The following STRN variants were observed in gnomAD, a reference collection of about 807,000 sequenced individuals.
STRN encodes the protein striatin.
A neutral mutation model predicts 96.3 loss-of-function variants in STRN; 53 were observed. The ratio of observed to expected loss-of-function variants is 0.55; its 90% confidence interval spans 0.44 to 0.69. The LOEUF (loss-of-function observed/expected upper bound fraction) is 0.69. Among genes scored for constraint, STRN ranks in the 30% least tolerant of loss-of-function variants. STRN has a pLI of 0.00. For synonymous variants in STRN, 428 were observed against 355.9 expected, an observed-to-expected ratio of 1.20 and a Z score of -2.28; for missense variants, 987 against 963.9, an observed-to-expected ratio of 1.02 and a Z score of -0.32.
chr2:36,929,159 T>G (rs894784266), intron 1 of STRN, among the ~76,000 whole-genome samples: 1 of 151,994 alleles, frequency 6.6e-6, no homozygotes, highest in Non-Finnish European at 1.5e-5. Context: ...TCCTAACCAT[T>G]ATAAACAAAA....
intron 1 of STRN, among the ~76,000 whole-genome samples, chr2:36,951,230 C>T (rs939624129): frequency 6.6e-5 from 10 of 152,122 alleles, no homozygotes; most frequent in African/African-American, 2.2e-4. Flanking sequence ...ACACACAAGG[C>T]GGGGTGGAAG....
intron 3 of STRN, among the ~76,000 whole-genome samples, chr2:36,906,066 C>A (rs1046657227): frequency 2.0e-5 from 3 of 152,146 alleles, no homozygotes; most frequent in African/African-American, 7.2e-5. Context: ...GGGATGGATA[C>A]CCCATTTTCC....
chr2:36,887,391 AC>A (rs2148179591), intron 7 of STRN, among the ~76,000 whole-genome samples: 1 of 151,970 alleles, frequency 6.6e-6, no homozygotes, highest in South Asian at 2.1e-4. Context: ...ACTCGCCTGA[AC>A]CCGGGAGGCG....
intron 1 of STRN, among the ~76,000 whole-genome samples, chr2:36,958,539 T>C (rs180898391): frequency 2.0e-5 from 3 of 152,128 alleles, no homozygotes; most frequent in African/African-American, 7.2e-5. Context: ...TTTTAACAAA[T>C]CAGACTCAAC....
chr2:36,864,690 C>T (rs904731067), intron 12 of STRN, among the ~76,000 whole-genome samples: 2 of 151,988 alleles, frequency 1.3e-5, no homozygotes, highest in Non-Finnish European at 2.9e-5. Context: ...GGGAAAAGTC[C>T]CTCTTCCTCT....
chr2:36,936,901 T>G (rs13025262), intron 1 of STRN, among the ~76,000 whole-genome samples: 16,932 of 152,272 alleles, frequency 0.11, 1,246 homozygotes, highest in Non-Finnish European at 0.17. Context: ...AAATTCTCCT[T>G]CTGAAATAAT....
chr2:36,941,070 C>T (rs1670833985), intron 1 of STRN, among the ~76,000 whole-genome samples: 1 of 152,130 alleles, frequency 6.6e-6, no homozygotes, highest in South Asian at 2.1e-4. Flanking sequence ...GGGAGGATGA[C>T]CTGAACCCAG....
chr2:36,958,080 T>C (rs1247083540), intron 1 of STRN, among the ~76,000 whole-genome samples: 1 of 151,906 alleles, frequency 6.6e-6, no homozygotes, highest in Non-Finnish European at 1.5e-5. Flanking sequence ...CCAACACACC[T>C]GGCTAATTTT....
At chr2:36,859,487 T>TA (rs1285919183) in intron 13 of STRN, among the ~76,000 whole-genome samples, 2 of 152,034 alleles carry the variant, frequency 1.3e-5, no homozygotes, top group Non-Finnish European at 2.9e-5. Flanking sequence ...TGCCACCAAC[T>TA]AAAAAAGAAT....
At chr2:36,948,551 G>A (rs1213662749) in intron 1 of STRN, among the ~76,000 whole-genome samples, 4 of 152,160 alleles carry the variant, frequency 2.6e-5, no homozygotes. Context: ...CGTGATAGGT[G>A]TTGGAGATAT....
At chr2:36,857,739 C>T in intron 14 of STRN, 117 bp downstream of exon 14, 1 of 848,612 alleles carries the variant, frequency 1.2e-6, no homozygotes, top group Non-Finnish European at 1.7e-6. Context: ...ACTTTCGTGG[C>T]TTCAAAAACT....
chr2:36,913,985 G>C (rs185728805), intron 3 of STRN, among the ~76,000 whole-genome samples: 1 of 152,066 alleles, frequency 6.6e-6, no homozygotes, highest in East Asian at 1.9e-4. Flanking sequence ...TTATAAACTT[G>C]ATGATTTTTT....
intron 13 of STRN, among the ~76,000 whole-genome samples, chr2:36,858,432 T>G (rs1006878967): frequency 6.6e-6 from 1 of 152,166 alleles, no homozygotes. Context: ...CCTTAGCACT[T>G]TGGCTATACT....
intron 3 of STRN, among the ~76,000 whole-genome samples, chr2:36,912,758 T>C (rs191765250): frequency 6.6e-6 from 1 of 152,314 alleles, no homozygotes; most frequent in Admixed American, 6.5e-5. Context: ...TCAAGACCCA[T>C]ATACTCAACT....
At chr2:36,925,022 C>A in intron 2 of STRN, 83 bp downstream of exon 2, 1 of 1,288,630 alleles carries the variant, frequency 7.8e-7, no homozygotes, top group Admixed American at 1.7e-5. Context: ...TACCATTGCA[C>A]CCCAGCCTGG....
chr2:36,928,177 C>G (rs968238342), intron 1 of STRN, among the ~76,000 whole-genome samples: 1 of 151,930 alleles, frequency 6.6e-6, no homozygotes, highest in Non-Finnish European at 1.5e-5. Context: ...CAGTCGAAAG[C>G]ATAATAATTG....
intron 1 of STRN, among the ~76,000 whole-genome samples, chr2:36,943,789 A>G (rs982501852): frequency 6.6e-6 from 1 of 151,538 alleles, no homozygotes; most frequent in African/African-American, 2.4e-5. Context: ...GGACGACAGA[A>G]CGAGACTCTG....
chr2:36,931,170 G>A (rs186934664), intron 1 of STRN, among the ~76,000 whole-genome samples: 1 of 152,156 alleles, frequency 6.6e-6, no homozygotes, highest in Admixed American at 6.5e-5. Context: ...CAGAAGTTTG[G>A]AGTCTTATAC....
intron 1 of STRN, among the ~76,000 whole-genome samples, chr2:36,963,006 ATAATCT>A (rs1248695619): frequency 2.0e-5 from 3 of 152,192 alleles, no homozygotes; most frequent in Non-Finnish European, 4.4e-5. Context: ...AAGCTCACTA[ATAATCT>A]TAATCATTCT....
Sources: gnomAD v4.1 joint callset for allele counts (sites outside exome capture counted in the v4.1 genomes callset) on GRCh38, gnomAD v4.1.1 for gene constraint, MANE v1.5 for transcripts, NCBI Gene and HGNC (gene_info 2026-07-23, HGNC 2026-07-21) for gene names.